The following FHL5 variants were observed in gnomAD, a reference collection of about 807,000 sequenced individuals.
The protein encoded by FHL5 is four and a half LIM domains protein 5.
A neutral mutation model predicts 32.0 loss-of-function variants in FHL5; 33 were observed. That is an observed-to-expected ratio of 1.03 (90% CI 0.78 to 1.38). FHL5 has a LOEUF of 1.38. FHL5 is among the 40% of genes most tolerant of loss of function. The pLI is 0.00. For synonymous variants in FHL5, 114 were observed against 113.6 expected (o/e 1.00, Z -0.02); for missense variants, 336 against 343.9 (o/e 0.98, Z 0.18).
chr6:96,595,285 C>T (rs908576787), intron 1 of FHL5, among the ~76,000 whole-genome samples: 11 of 151,700 alleles, frequency 7.3e-5, no homozygotes, highest in African/African-American at 2.4e-4. Flanking sequence ...AGCATTATTT[C>T]AGTTTCTTCT....
In FHL5 at chr6:96,603,728, A is replaced by G; in HGVS notation, c.115A>G (p.Asn39Asp). 1 of 1,611,686 alleles carries G rather than the reference A, an allele frequency of 6.2e-7. No individual in the cohort carries two copies. The highest frequency in any genetic ancestry group is 8.5e-7 in the Non-Finnish European group (1 of 1,179,120). ...TACATGTTATGATCGTGTATTTTCT[A>G]ACTATTGCGAGGAATGCAAAAAACC... ...CVTCYDRVFS[N>D]YCEECKKPIE... The change falls in exon 2 of 6, where the codon AAC (asparagine) becomes GAC (aspartate). Residue 39 changes from asparagine to aspartate, a missense_variant. Coordinates refer to ENST00000450218, the MANE Select transcript of FHL5 (RefSeq NM_001322466.2).
rs796692285 is a variant in FHL5, at chr6:96,571,129, T to C, written c.-13+7774T>C. ...AGTGAAATAATCACCTTTTTCAAAC[T>C]TTCTGGAGTGATTTTCATAAAGAAA... On this transcript the variant is annotated intron_variant, in intron 1 of 5. Transcript: ENST00000450218. Among the ~76,000 whole-genome samples, 4 of 152,124 alleles carry C rather than the reference T, an allele frequency of 2.6e-5. No individual in the cohort carries two copies. In the South Asian group the frequency reaches 8.3e-4, roughly 31 times the overall value.
intron 1 of FHL5, among the ~76,000 whole-genome samples, chr6:96,596,502 T>C (rs1771037418): frequency 6.6e-6 from 1 of 152,080 alleles, no homozygotes; most frequent in Non-Finnish European, 1.5e-5. Context: ...ATATATTCTC[T>C]TCTTGTAGTT....
chr6:96,571,085 C>G (rs1165860980), intron 1 of FHL5, among the ~76,000 whole-genome samples: 1 of 152,020 alleles, frequency 6.6e-6, no homozygotes, highest in Non-Finnish European at 1.5e-5. Flanking sequence ...TGTGTCCCTG[C>G]ATTGATGTCT....
intron 4 of FHL5, 129 bp from the exon 5 acceptor site, chr6:96,610,443 T>G (rs1178325674): frequency 5.7e-6 from 4 of 699,918 alleles, no homozygotes; most frequent in Non-Finnish European, 1.0e-5. Flanking sequence ...ATAGAAGACA[T>G]GAAATGATCT....
At position 96,617,038 on chromosome 6, in the gene FHL5, A is replaced by G. The variant is rs531169846; in HGVS notation, c.*1266A>G. 1.3e-5 allele frequency among the ~76,000 whole-genome samples: 2 copies of G among 152,234 alleles called. No homozygotes were observed. Among genetic ancestry groups the G allele is most frequent in the South Asian group, 4.1e-4 (2 of 4,830 alleles). ...CTGTCCTATAAGTCAGTCAGTGTTTATTGATCACACAGGAAGTAAAGAGCC... is the reference window on the plus strand; with the variant it reads ...CTGTCCTATAAGTCAGTCAGTGTTTGTTGATCACACAGGAAGTAAAGAGCC... On this transcript the variant is annotated 3_prime_UTR_variant, in exon 6 of 6. Coordinates refer to ENST00000450218, the MANE Select transcript of FHL5 (RefSeq NM_001322466.2).
intron 1 of FHL5, among the ~76,000 whole-genome samples, chr6:96,573,142 A>T (rs1157292345): frequency 6.6e-6 from 1 of 152,174 alleles, no homozygotes; most frequent in Non-Finnish European, 1.5e-5. Context: ...TCATTTATTG[A>T]TCAGTTAGAT....
chr6:96,602,572 G>GAGTAGC (rs1771177843), intron 1 of FHL5, among the ~76,000 whole-genome samples: 1 of 150,156 alleles, frequency 6.7e-6, no homozygotes, highest in Non-Finnish European at 1.5e-5. Context: ...TCAGCCTCCC[G>GAGTAGC]AGTAGCTGGG....
upstream of FHL5, chr6:96,562,629 C>T (rs1480505610): frequency 6.6e-6 from 1 of 152,202 alleles, no homozygotes; most frequent in African/African-American, 2.4e-5. Flanking sequence ...TCTACTCAAA[C>T]TTATGTCTCA....
intron 1 of FHL5, among the ~76,000 whole-genome samples, chr6:96,592,026 G>C (rs1044250070): frequency 6.6e-6 from 1 of 152,228 alleles, no homozygotes; most frequent in South Asian, 2.1e-4. Flanking sequence ...GAGATCACAG[G>C]ACCATAGGAC....
intron 1 of FHL5, among the ~76,000 whole-genome samples, chr6:96,584,730 T>C (rs1399726629): frequency 6.6e-6 from 1 of 152,184 alleles, no homozygotes; most frequent in Non-Finnish European, 1.5e-5. Flanking sequence ...CAAAGTCATG[T>C]AGTAGACATG....
intron 1 of FHL5, 84 bp from the exon 2 acceptor site, chr6:96,603,518 C>A: frequency 2.1e-6 from 2 of 957,102 alleles, no homozygotes; most frequent in Non-Finnish European, 3.2e-6. Flanking sequence ...TCAAATGCTT[C>A]ACTCACATTA....
chr6:96,586,657 G>A (rs1582465749), intron 1 of FHL5, among the ~76,000 whole-genome samples: 1 of 152,294 alleles, frequency 6.6e-6, no homozygotes, highest in Admixed American at 6.5e-5. Flanking sequence ...GAAGCCTGCA[G>A]CAGCAAACCA....
At chr6:96,594,879 T>C (rs1262333053) in intron 1 of FHL5, among the ~76,000 whole-genome samples, 1 of 152,018 alleles carries the variant, frequency 6.6e-6, no homozygotes, top group African/African-American at 2.4e-5. Context: ...ATTCAGTTAA[T>C]GTATTCTTTT....
intron 1 of FHL5, among the ~76,000 whole-genome samples, chr6:96,590,492 T>A (rs1465444523): frequency 6.6e-6 from 1 of 152,046 alleles, no homozygotes; most frequent in Non-Finnish European, 1.5e-5. Context: ...AATAACTAAC[T>A]TGTAAATTCT....
At chr6:96,571,833 G>A (rs747861170) in intron 1 of FHL5, among the ~76,000 whole-genome samples, 13 of 152,120 alleles carry the variant, frequency 8.5e-5, no homozygotes, top group Admixed American at 2.0e-4. Flanking sequence ...GCACTGGGTA[G>A]TAGTGATTGT....
At chr6:96,578,325 GAAGTT>G (rs753856795) in intron 1 of FHL5, among the ~76,000 whole-genome samples, 1 of 152,104 alleles carries the variant, frequency 6.6e-6, no homozygotes, top group Non-Finnish European at 1.5e-5. Flanking sequence ...CTGCAAAGTA[GAAGTT>G]AATTTTTTTT....
At chr6:96,576,527 C>T (rs1172411668) in intron 1 of FHL5, among the ~76,000 whole-genome samples, 1 of 152,200 alleles carries the variant, frequency 6.6e-6, no homozygotes, top group East Asian at 1.9e-4. Context: ...AGGTAAAGAC[C>T]TTTACTTTAC....
At chr6:96,590,400 A>AT (rs1168592418) in intron 1 of FHL5, among the ~76,000 whole-genome samples, 12 of 151,650 alleles carry the variant, frequency 7.9e-5, no homozygotes, top group Non-Finnish European at 1.5e-4. Flanking sequence ...ATCATAAATG[A>AT]TTTTTTTTCA....
Sources: gnomAD v4.1 joint callset for allele counts (sites outside exome capture counted in the v4.1 genomes callset) on GRCh38, gnomAD v4.1.1 for gene constraint, MANE v1.5 for transcripts, NCBI Gene and HGNC (gene_info 2026-07-23, HGNC 2026-07-21) for gene names.